The following CHD6 variants were observed in gnomAD, a reference collection of about 807,000 sequenced individuals.
CHD6 encodes the protein chromodomain helicase DNA binding protein 6, also known as ATP-dependent chromatin remodeler CHD6.
A neutral mutation model predicts 276.9 loss-of-function variants in CHD6; 50 were observed. That is an observed-to-expected ratio of 0.18 (90% CI 0.14 to 0.23). The LOEUF (loss-of-function observed/expected upper bound fraction) is 0.23, where lower values mean the gene tolerates loss of function less well. CHD6 is among the 10% of genes least tolerant of loss of function. The pLI is 1.00. For missense variants in CHD6, 2,564 were observed against 3,365.8 expected (o/e 0.76, Z 5.89); for synonymous variants, 1,173 against 1,229.3 (o/e 0.95, Z 0.96).
At chr20:41,520,498 T>G (rs1243661413) in intron 3 of CHD6, among the ~76,000 whole-genome samples, 1 of 151,918 alleles carries the variant, frequency 6.6e-6, no homozygotes, top group Admixed American at 6.5e-5. Flanking sequence ...CCATAAAAAA[T>G]GATGAGTTCA....
At chr20:41,592,556 T>C (rs4812533) in intron 1 of CHD6, among the ~76,000 whole-genome samples, 58,166 of 152,040 alleles carry the variant, frequency 0.38, 13,830 homozygotes, top group African/African-American at 0.65. Context: ...GTACTTCATT[T>C]AAAGACAACG....
At chr20:41,617,943 G>T (rs978109745) in intron 1 of CHD6, among the ~76,000 whole-genome samples, 1 of 144,718 alleles carries the variant, frequency 6.9e-6, no homozygotes, top group Non-Finnish European at 1.5e-5. Context: ...CACCGCGCCC[G>T]CCCCGGGGGG....
rs2043364064 is a variant in CHD6, at chr20:41,484,383, C to T, written c.2226G>A (p.Arg742=). 3 of 1,613,766 alleles carry T rather than the reference C, an allele frequency of 1.9e-6. No individual in the cohort carries two copies. In the African/African-American group the frequency reaches 4.0e-5, roughly 22 times the overall value. Residue 742 remains arginine, a synonymous_variant, in exon 15 of 37, where the codon AGG becomes AGA. Transcript: ENST00000373233. ...PNLINTMMEL[R]KCCNHPYLIN... is the part of the protein sequence containing the mutation. ...TCAGGTAGGGATGGTTACAGCACTT[C>T]CTCAGCTCCATCATGGTGTTGATGA...
intron 1 of CHD6, among the ~76,000 whole-genome samples, chr20:41,553,257 G>T (rs2045172639): frequency 6.6e-6 from 1 of 152,174 alleles, no homozygotes; most frequent in African/African-American, 2.4e-5. Flanking sequence ...AGAAAGTAAA[G>T]AGTTTCCTCT....
chr20:41,418,543 A>T lies in CHD6; in HGVS notation c.6128-1194T>A, dbSNP rs571206074. On this transcript the variant is annotated intron_variant, in intron 31 of 36. Coordinates refer to ENST00000373233, the MANE Select transcript of CHD6 (RefSeq NM_032221.5). ...AAATTTAGATTTTATTCTAGATTCA[A>T]TGGGGGACCACCACTGAAAGGTTTT... Among the ~76,000 whole-genome samples, 9 of 152,294 alleles carry T rather than the reference A, an allele frequency of 5.9e-5. No homozygotes were observed. In the East Asian group the frequency reaches 1.7e-3, roughly 29 times the overall value.
chr20:41,568,904 T>C (rs986770905), intron 1 of CHD6, among the ~76,000 whole-genome samples: 3 of 152,240 alleles, frequency 2.0e-5, no homozygotes, highest in Admixed American at 1.3e-4. Context: ...CCTTAGGGTC[T>C]GAGAATTTTT....
intron 8 of CHD6, among the ~76,000 whole-genome samples, chr20:41,494,266 G>T (rs1443597571): frequency 6.6e-6 from 1 of 152,104 alleles, no homozygotes; most frequent in Admixed American, 6.5e-5. Context: ...ACAGCCCTTG[G>T]CAACTAGGAA....
intron 31 of CHD6, among the ~76,000 whole-genome samples, chr20:41,417,783 G>C (rs77523177): frequency 6.6e-6 from 1 of 152,168 alleles, no homozygotes; most frequent in Non-Finnish European, 1.5e-5. Context: ...GAGAAAGGAT[G>C]AAAGTCATGA....
At chr20:41,527,337 C>T (rs1200121660) in intron 3 of CHD6, among the ~76,000 whole-genome samples, 1 of 152,076 alleles carries the variant, frequency 6.6e-6, no homozygotes, top group Non-Finnish European at 1.5e-5. Flanking sequence ...AGCAGAACTG[C>T]TTGAACCCGG....
intron 2 of CHD6, chr20:41,547,820 G>A: frequency 2.1e-6 from 1 of 485,562 alleles, no homozygotes; most frequent in African/African-American, 2.0e-5. Context: ...AAGAGCTCCT[G>A]GGGACTGACT....
At chr20:41,472,790 C>T (rs1417128670) in intron 17 of CHD6, among the ~76,000 whole-genome samples, 1 of 152,130 alleles carries the variant, frequency 6.6e-6, no homozygotes, top group Non-Finnish European at 1.5e-5. Flanking sequence ...TTGGCTAAAA[C>T]CAGAAAATAG....
In CHD6 at chr20:41,421,267, G is replaced by A. The variant is rs937259007; in HGVS notation, c.5368C>T (p.Leu1790Phe). The change falls in exon 31 of 37, where the codon CTC (leucine) becomes TTC (phenylalanine). Residue 1790 changes from leucine (L) to phenylalanine (F), a missense_variant. Physicochemically the swap from Leu to Phe is conservative, Grantham distance 22. Transcript: ENST00000373233. ...LLMSISKEGE[L>F]CCSEAGQRPE... is the part of the protein sequence containing the mutation. ...CTCTGTCCTGCCTCACTGCAGCAGA[G>A]CTCCCCTTCCTTTGAAATAGACATC... 3 of 1,613,910 alleles carry A rather than the reference G, an allele frequency of 1.9e-6. No individual in the cohort carries two copies. In the African/African-American group the frequency reaches 4.0e-5, roughly 22 times the overall value.
At chr20:41,471,412 C>T (rs1319738971) in intron 17 of CHD6, among the ~76,000 whole-genome samples, 1 of 152,150 alleles carries the variant, frequency 6.6e-6, no homozygotes, top group East Asian at 1.9e-4. Flanking sequence ...CATATTCAGC[C>T]ATCTTTTCAC....
chr20:41,611,089 G>A (rs1032703767), intron 1 of CHD6, among the ~76,000 whole-genome samples: 2 of 152,138 alleles, frequency 1.3e-5, no homozygotes, highest in Non-Finnish European at 2.9e-5. Flanking sequence ...TTTATTCTCT[G>A]ATCTTACTAT....
intron 3 of CHD6, among the ~76,000 whole-genome samples, chr20:41,524,387 TATC>T (rs538288579): frequency 1.8e-4 from 27 of 152,326 alleles, no homozygotes; most frequent in African/African-American, 6.5e-4. Flanking sequence ...CCTTTAACCG[TATC>T]ATCAACACCT....
chr20:41,556,311 A>AGAGGGT, intron 1 of CHD6, among the ~76,000 whole-genome samples: 2 of 121,566 alleles, frequency 1.6e-5, no homozygotes, highest in African/African-American at 7.2e-5. Flanking sequence ...GGGAGACGGG[A>AGAGGGT]GAGGGAGAGG....
At chr20:41,567,940 T>C (rs749302704) in intron 1 of CHD6, among the ~76,000 whole-genome samples, 40 of 152,102 alleles carry the variant, frequency 2.6e-4, no homozygotes, top group Non-Finnish European at 5.1e-4. Flanking sequence ...AGTGACTGGA[T>C]GGAGACAAAC....
intron 25 of CHD6, among the ~76,000 whole-genome samples, chr20:41,442,414 T>G (rs908472099): frequency 3.3e-5 from 5 of 152,176 alleles, no homozygotes; most frequent in Non-Finnish European, 7.3e-5. Context: ...ATCACACCAC[T>G]GTACTCCAGC....
At chr20:41,450,831 T>C in intron 23 of CHD6, 115 bp downstream of exon 23, 3 of 957,658 alleles carry the variant, frequency 3.1e-6, no homozygotes, top group South Asian at 3.2e-5. Context: ...CCTGTCTTTC[T>C]AGACCTTGCA....
Sources: gnomAD v4.1 joint callset for allele counts (sites outside exome capture counted in the v4.1 genomes callset) on GRCh38, gnomAD v4.1.1 for gene constraint, MANE v1.5 for transcripts, NCBI Gene and HGNC (gene_info 2026-07-23, HGNC 2026-07-21) for gene names.